Variants in MIEF2 observed in about 807,000 individuals in gnomAD.
MIEF2 encodes mitochondrial elongation factor 2.
MIEF2 carries 1 observed loss-of-function variant against 7.4 expected under a neutral mutation model. The ratio of observed to expected loss-of-function variants is 0.14; its 90% confidence interval spans 0.05 to 0.64. The LOEUF is 0.64. Among genes scored for constraint, MIEF2 ranks in the 30% least tolerant of loss-of-function variants. The pLI, the probability that MIEF2 is intolerant of heterozygous loss-of-function variation, is 0.85. For missense variants in MIEF2, 569 were observed against 623.9 expected (o/e 0.91, Z 0.94); for synonymous variants, 275 against 290.5 (o/e 0.95, Z 0.54).
At position 18,263,797 on chromosome 17, in the gene MIEF2, C is replaced by A. The variant is rs913369552; in HGVS notation, c.398C>A (p.Ala133Asp). ...CTGACACTGCAGGAGAGGCTGCTGGCCTTCGAGCGGGACCGTGTGACCATC... is the reference window on the plus strand; with the variant it reads ...CTGACACTGCAGGAGAGGCTGCTGGACTTCGAGCGGGACCGTGTGACCATC... The part of the protein sequence containing the change: ...LCLTLQERLL[A>D]FERDRVTIPA... The change falls in exon 4 of 4, where the codon GCC becomes GAC. Residue 133 changes from alanine (A) to aspartate (D), a missense_variant. Transcript: ENST00000323019. 3.1e-6 allele frequency: 5 copies of A among 1,610,436 alleles called. No individual in the cohort carries two copies. The South Asian group carries it at 4.4e-5, about 14-fold the overall frequency.
rs779680591 is a variant in MIEF2, at chr17:18,264,737, C to T, written c.1338C>T (p.Gly446=). The change falls in exon 4 of 4, where the codon GGC becomes GGT. Residue 446 remains glycine (G), a synonymous_variant. Transcript: ENST00000323019. ...IDDIGYALYS[G]LQEPEGLL ...ACATTGGCTATGCGCTATACAGTGG[C>T]CTACAGGAGCCCGAGGGGCTGCTCT... 1.2e-6 allele frequency: 2 copies of T among 1,608,380 alleles called. No individual in the cohort carries two copies. Among genetic ancestry groups the T allele is most frequent in the South Asian group, 1.1e-5 (1 of 91,018 alleles).
At chr17:18,263,644 C>T (rs1240299794) in intron 3 of MIEF2, 66 bp from the exon 4 acceptor site, 3 of 1,473,986 alleles carry the variant, frequency 2.0e-6, no homozygotes, top group South Asian at 1.4e-5. Flanking sequence ...ACAGCTAGTT[C>T]TCGGTGGCGT....
Position 18,265,146 on chromosome 17 carries a change from TGA to T in MIEF2, c.*387_*388del, listed in dbSNP as rs1202114305. 5.5e-6 allele frequency: 1 copy of T among 182,482 alleles called. No individual in the cohort carries two copies. Among genetic ancestry groups the T allele is most frequent in the Non-Finnish European group, 1.2e-5 (1 of 86,090 alleles). 11.3% of individuals were successfully genotyped at this position (182,482 alleles called of 1,614,324 possible). On this transcript the variant is annotated 3_prime_UTR_variant, in exon 4 of 4. Coordinates refer to ENST00000323019, the MANE Select transcript of MIEF2 (RefSeq NM_139162.4). Reference sequence around the variant, plus strand: ...CTGAAGGCCAGCTTCACATTTCTGCTGAGAGAAGGTGACTTAACGCCTTTTCC... The same window carrying T: ...CTGAAGGCCAGCTTCACATTTCTGCTGAGAAGGTGACTTAACGCCTTTTCC...
At chr17:18,263,326 A>T (rs768593016) in intron 3 of MIEF2, 78 bp downstream of exon 3, 10 of 1,575,126 alleles carry the variant, frequency 6.3e-6, no homozygotes, top group Non-Finnish European at 7.9e-6. Flanking sequence ...TGACTGTGTG[A>T]CCCTGCGCGA....
Position 18,263,707 on chromosome 17 carries a change from C to T in MIEF2, c.311-3C>T. On this transcript the variant is annotated splice_polypyrimidine_tract_variant and splice_region_variant and intron_variant, in intron 3 of 3. Coordinates refer to ENST00000323019, the MANE Select transcript of MIEF2 (RefSeq NM_139162.4). ...ACATGTTCCCCGCCCCTTCACTCTG[C>T]AGAAGGGCCTGCAGAAACTGATCCT... is the stretch of plus-strand genomic sequence containing the variant. 5.7e-6 allele frequency: 9 copies of T among 1,568,808 alleles called. No homozygotes were observed. The highest frequency in any genetic ancestry group is 7.8e-6 in the Non-Finnish European group (9 of 1,154,422).
chr17:18,264,493 G>T lies in MIEF2; in HGVS notation c.1094G>T (p.Arg365Leu). Residue 365 changes from arginine (R) to leucine (L), a missense_variant, in exon 4 of 4, where the codon CGT becomes CTT. By Grantham distance (102) the Arg-to-Leu change is moderately radical (BLOSUM62 -2). Transcript: ENST00000323019. ...CTGCTGCTGCTGTGTGCTGTCTGCC[G>T]TGGTTGCTCGGCTCTGGGGCAGCTA... Reference protein sequence around the residue: ...RLLLLLCAVCRGCSALGQLGR... With the variant: ...RLLLLLCAVCLGCSALGQLGR... 1 of 1,607,276 alleles carries T rather than the reference G, an allele frequency of 6.2e-7. No homozygotes were observed.
At position 18,264,810 on chromosome 17, in the gene MIEF2, T is replaced by G; in HGVS notation, c.*46T>G. ...GCCATGTTTTCTAATGCTGGGGAGC[T>G]GCACCCACCTCCCTTCCAGGGATTT... On this transcript the variant is annotated 3_prime_UTR_variant, in exon 4 of 4. Coordinates refer to ENST00000323019, the MANE Select transcript of MIEF2 (RefSeq NM_139162.4). 1.9e-6 allele frequency: 3 copies of G among 1,564,442 alleles called. No homozygotes were observed. The highest frequency in any genetic ancestry group is 2.4e-5 in the South Asian group (2 of 85,082).
chr17:18,263,256 G>A lies in MIEF2; in HGVS notation c.310+8G>A, dbSNP rs1433844750. 3.1e-5 allele frequency: 50 copies of A among 1,613,792 alleles called. No individual in the cohort carries two copies. The highest frequency in any genetic ancestry group is 4.2e-5 in the Non-Finnish European group (50 of 1,180,020). ...CCTCGTCGTCTGCCCCAGGTGAGTG[G>A]CACTCCTTCCCCTCTTTTGGTGTCA... On this transcript the variant is annotated splice_region_variant and intron_variant, in intron 3 of 3. Coordinates refer to ENST00000323019, the MANE Select transcript of MIEF2 (RefSeq NM_139162.4).
At chr17:18,261,232 A>G (rs1978398247) in intron 1 of MIEF2, 2 of 1,517,680 alleles carry the variant, frequency 1.3e-6, no homozygotes, top group Non-Finnish European at 1.8e-6. Flanking sequence ...GGGTGGCAGT[A>G]TTGATCCCCG....
intron 1 of MIEF2, chr17:18,261,296 T>A: frequency 9.0e-7 from 1 of 1,112,930 alleles, no homozygotes; most frequent in Non-Finnish European, 1.3e-6. Context: ...GGTCACCCGG[T>A]TGGCCTGGGA....
chr17:18,261,445 A>G (rs1423560466), intron 1 of MIEF2, among the ~76,000 whole-genome samples: 1 of 152,200 alleles, frequency 6.6e-6, no homozygotes, highest in African/African-American at 2.4e-5. Flanking sequence ...ACACTCTGGC[A>G]GGGCAGGTAG....
At chr17:18,261,470 C>T (rs996392804) in intron 1 of MIEF2, among the ~76,000 whole-genome samples, 9 of 152,196 alleles carry the variant, frequency 5.9e-5, no homozygotes, top group Non-Finnish European at 1.2e-4. Flanking sequence ...CCTTGGTGCC[C>T]GGGCAGGCTG....
In MIEF2 at chr17:18,264,035, C is replaced by A. The variant is rs769390003; in HGVS notation, c.636C>A (p.Gly212=). 1 of 1,556,988 alleles carries A rather than the reference C, an allele frequency of 6.4e-7. No homozygotes were observed. Among genetic ancestry groups the A allele is most frequent in the Non-Finnish European group, 8.7e-7 (1 of 1,155,192 alleles). ...LEPGLWSLVP[G]VDTVARDPRC... ...CGGGCCTGTGGAGCCTGGTGCCGGG[C>A]GTGGACACTGTGGCGAGGGACCCTC... Residue 212 remains glycine (G), a synonymous_variant, in exon 4 of 4, where the codon GGC becomes GGA. Coordinates refer to ENST00000323019, the MANE Select transcript of MIEF2 (RefSeq NM_139162.4).
rs1978586553 is a variant in MIEF2, at chr17:18,264,010, C to T, written c.611C>T (p.Pro204Leu). 5.1e-6 allele frequency: 8 copies of T among 1,563,286 alleles called. No homozygotes were observed. Among genetic ancestry groups the T allele is most frequent in the South Asian group, 1.2e-5 (1 of 85,738 alleles). The change falls in exon 4 of 4, where the codon CCG (proline) becomes CTG (leucine). Residue 204 changes from proline (P) to leucine (L), a missense_variant. By Grantham distance (98) the Pro-to-Leu change is moderately conservative (BLOSUM62 -3). Coordinates refer to ENST00000323019, the MANE Select transcript of MIEF2 (RefSeq NM_139162.4). Reference protein sequence around the residue: ...VRLLVPLVLEPGLWSLVPGVD... With the variant: ...VRLLVPLVLELGLWSLVPGVD... ...CTCCTGGTGCCACTGGTGCTGGAGC[C>T]GGGCCTGTGGAGCCTGGTGCCGGGC... is the stretch of plus-strand genomic sequence containing the variant.
At chr17:18,261,042 T>G in intron 1 of MIEF2, 1 of 1,491,008 alleles carries the variant, frequency 6.7e-7, no homozygotes, top group Non-Finnish European at 9.1e-7. Flanking sequence ...AGGGCCCCGC[T>G]GCGCAAACTT....
chr17:18,263,805 C>T lies in MIEF2; in HGVS notation c.406C>T (p.Arg136Trp), dbSNP rs752320338. The change falls in exon 4 of 4, where the codon CGG (arginine) becomes TGG (tryptophan). Residue 136 changes from arginine to tryptophan, a missense_variant. By Grantham distance (101) the Arg-to-Trp change is moderately radical (BLOSUM62 -3). Transcript: ENST00000323019. ...GCAGGAGAGGCTGCTGGCCTTCGAG[C>T]GGGACCGTGTGACCATCCCAGCAGC... ...TLQERLLAFE[R>W]DRVTIPAAQV... 1.6e-5 allele frequency: 25 copies of T among 1,609,640 alleles called. 2 individuals carry two copies. In the South Asian group the frequency reaches 2.0e-4, roughly 13 times the overall value.
At chr17:18,260,800 G>C in intron 1 of MIEF2, 63 bp downstream of exon 1, 2 of 321,072 alleles carry the variant, frequency 6.2e-6, no homozygotes, top group Non-Finnish European at 1.2e-5. Context: ...GGCGCGCGAC[G>C]GAACGCAGAT....
intron 2 of MIEF2, 63 bp from the exon 3 acceptor site, chr17:18,263,022 GC>G: frequency 1.3e-6 from 2 of 1,586,058 alleles, no homozygotes; most frequent in Admixed American, 3.4e-5. Context: ...GGTCTGCTTT[GC>G]CCTGGGCTTT....
Position 18,265,149 on chromosome 17 carries a change from GAGA to G in MIEF2, c.*388_*390del, listed in dbSNP as rs1978679967. 1 of 183,692 alleles carries G rather than the reference GAGA, an allele frequency of 5.4e-6. No homozygotes were observed. Among genetic ancestry groups the G allele is most frequent in the Admixed American group, 5.4e-5 (1 of 18,668 alleles). The allele number at this position is 183,692 out of a possible 1,614,324, so 11.4% of individuals were successfully genotyped here. ...AAGGCCAGCTTCACATTTCTGCTGA[GAGA>G]AGGTGACTTAACGCCTTTTCCGGCC... On this transcript the variant is annotated 3_prime_UTR_variant, in exon 4 of 4. Transcript: ENST00000323019.
Sources: gnomAD v4.1 joint callset for allele counts (sites outside exome capture counted in the v4.1 genomes callset) on GRCh38, gnomAD v4.1.1 for gene constraint, MANE v1.5 for transcripts, NCBI Gene and HGNC (gene_info 2026-07-23, HGNC 2026-07-21) for gene names.